Variants in APP observed in about 807,000 individuals in gnomAD.
APP encodes the protein amyloid-beta precursor protein.
In APP, 31 loss-of-function variants were observed where a neutral mutation model predicts 101.4. That is an observed-to-expected ratio of 0.31 (90% confidence interval 0.23 to 0.41). The LOEUF (loss-of-function observed/expected upper bound fraction) is 0.41, where lower values mean the gene tolerates loss of function less well. Ranked by LOEUF, APP falls within the 10% of genes least tolerant of loss-of-function variation. APP has a pLI of 1.00. For synonymous variants in APP, 366 were observed against 364.4 expected (o/e 1.00, Z -0.05); for missense variants, 839 against 1,003.7 (o/e 0.84, Z 2.22).
intron 2 of APP, among the ~76,000 whole-genome samples, chr21:26,097,570 C>T (rs1201662604): frequency 6.6e-6 from 1 of 151,596 alleles, no homozygotes; most frequent in Non-Finnish European, 1.5e-5. Flanking sequence ...TAGATATGGA[C>T]AGCTTATACA....
At chr21:25,928,114 G>T (rs532373581) in intron 13 of APP, among the ~76,000 whole-genome samples, 3 of 152,026 alleles carry the variant, frequency 2.0e-5, no homozygotes, top group Non-Finnish European at 4.4e-5. Flanking sequence ...GGAGGCTGAG[G>T]TGGGCGGTTC....
intron 2 of APP, among the ~76,000 whole-genome samples, chr21:26,091,328 G>A (rs566621269): frequency 4.6e-5 from 7 of 152,202 alleles, no homozygotes; most frequent in Non-Finnish European, 7.3e-5. Flanking sequence ...TGGCGCACAG[G>A]ACTGGAGAAA....
intron 15 of APP, among the ~76,000 whole-genome samples, chr21:25,901,446 G>T (rs185362376): frequency 5.3e-5 from 8 of 151,754 alleles, no homozygotes; most frequent in Admixed American, 2.6e-4. Flanking sequence ...ATAAATTCAT[G>T]TTTACAGCTC....
chr21:26,051,899 T>A (rs1202673560), intron 4 of APP, among the ~76,000 whole-genome samples: 1 of 152,230 alleles, frequency 6.6e-6, no homozygotes, highest in African/African-American at 2.4e-5. Flanking sequence ...TTTGACCTTA[T>A]GGGAGTCATT....
chr21:26,159,716 A>G (rs1447698790), intron 1 of APP, among the ~76,000 whole-genome samples: 4 of 152,200 alleles, frequency 2.6e-5, no homozygotes, highest in African/African-American at 9.6e-5. Flanking sequence ...CAAGACACTA[A>G]TATTTTTTTC....
chr21:26,023,182 T>C (rs912366569), intron 5 of APP, among the ~76,000 whole-genome samples: 3 of 152,156 alleles, frequency 2.0e-5, no homozygotes, highest in African/African-American at 4.8e-5. Flanking sequence ...AATATTTCAG[T>C]GGTTCTCAAA....
Position 26,112,934 on chromosome 21 carries a change from G to T in APP, c.58-788C>A, listed in dbSNP as rs2062360487. On this transcript the variant is annotated intron_variant, in intron 1 of 17. Coordinates refer to ENST00000346798, the MANE Select transcript of APP (RefSeq NM_000484.4). The stretch of plus-strand genomic sequence containing the variant: ...CTTCACAAAATAACTTCATGAAAAA[G>T]GGTGCCTTCTGTATTTTCAAACTCT... Among the ~76,000 whole-genome samples the T allele has an allele frequency of 2.6e-5, 4 of 152,064 alleles. No individual in the cohort carries two copies. In the South Asian group the frequency reaches 6.2e-4, roughly 24 times the overall value.
chr21:25,933,813 AGAG>A (rs902736887), intron 13 of APP: 6 of 152,166 alleles, frequency 3.9e-5, no homozygotes, highest in South Asian at 4.1e-4. Flanking sequence ...TTTTTAATGA[AGAG>A]GTCATAAATT....
intron 1 of APP, among the ~76,000 whole-genome samples, chr21:26,161,665 A>C (rs1464025961): frequency 2.0e-5 from 3 of 152,184 alleles, no homozygotes; most frequent in Non-Finnish European, 2.9e-5. Context: ...ATTAGTCTGC[A>C]TATTTTCACA....
At chr21:25,911,156 T>A (rs918738526) in intron 14 of APP, among the ~76,000 whole-genome samples, 8 of 152,224 alleles carry the variant, frequency 5.3e-5, no homozygotes, top group African/African-American at 1.9e-4. Context: ...CATTTCCTCA[T>A]TTGAAAAAGT....
chr21:26,074,346 GAGTTC>G (rs1386378438), intron 3 of APP, among the ~76,000 whole-genome samples: 1 of 152,182 alleles, frequency 6.6e-6, no homozygotes, highest in African/African-American at 2.4e-5. Flanking sequence ...AGGATGACAG[GAGTTC>G]ATGTTTAGCA....
chr21:26,000,305 A>G, intron 6 of APP, 123 bp from the exon 7 acceptor site: 1 of 1,223,624 alleles, frequency 8.2e-7, no homozygotes, highest in East Asian at 2.5e-5. Context: ...ATTAGGCAGC[A>G]TCTACCAAAC....
At position 25,992,173 on chromosome 21, in the gene APP, A is replaced by G. The variant is rs192297896; in HGVS notation, c.1090+5187T>C. ...CGAAGCTGGTGGATCACTTCAGGTC[A>G]GGAGTTCAAGACCAGCCTGGCCAAC... is the stretch of plus-strand genomic sequence containing the variant. On this transcript the variant is annotated intron_variant, in intron 8 of 17. Transcript: ENST00000346798. Among the ~76,000 whole-genome samples, 382 of 152,364 alleles carry G rather than the reference A, an allele frequency of 2.5e-3. 3 individuals carry two copies. Among genetic ancestry groups the G allele is most frequent in the Middle Eastern group, 0.01 (3 of 294 alleles).
chr21:26,106,503 C>A (rs2062186498), intron 2 of APP, among the ~76,000 whole-genome samples: 1 of 152,148 alleles, frequency 6.6e-6, no homozygotes. Context: ...AATCACATAT[C>A]CACTGGATCT....
chr21:25,924,376 T>TAA (rs1416835165), intron 13 of APP, among the ~76,000 whole-genome samples: 6 of 9,378 alleles, frequency 6.4e-4, no homozygotes, highest in African/African-American at 1.9e-3. Context: ...ACTTAAAGTA[T>TAA]AATAAAAAAA....
At chr21:26,004,493 T>G (rs1265247410) in intron 6 of APP, among the ~76,000 whole-genome samples, 4 of 151,812 alleles carry the variant, frequency 2.6e-5, no homozygotes, top group African/African-American at 2.4e-5. Flanking sequence ...GGGGTTTCTC[T>G]GTGTTAGCCA....
chr21:26,038,491 C>T (rs530287868), intron 5 of APP, among the ~76,000 whole-genome samples: 10 of 152,102 alleles, frequency 6.6e-5, no homozygotes, highest in Admixed American at 4.6e-4. Context: ...CCAGCTGGCG[C>T]GGTGTCTCAC....
intron 13 of APP, among the ~76,000 whole-genome samples, chr21:25,952,110 A>G (rs2041101821): frequency 6.6e-6 from 1 of 151,880 alleles, no homozygotes; most frequent in South Asian, 2.1e-4. Context: ...AGAATGTGGC[A>G]TCTGGTATAT....
At chr21:25,904,974 C>A (rs199696263) in intron 15 of APP, 50 bp downstream of exon 15, 1 of 1,536,384 alleles carries the variant, frequency 6.5e-7, no homozygotes, top group Admixed American at 1.7e-5. Flanking sequence ...AACGTCTGCT[C>A]GAGCTTAGGC....
Sources: gnomAD v4.1 joint callset for allele counts (sites outside exome capture counted in the v4.1 genomes callset) on GRCh38, gnomAD v4.1.1 for gene constraint, MANE v1.5 for transcripts, NCBI Gene and HGNC (gene_info 2026-07-23, HGNC 2026-07-21) for gene names.